PCDH15: variants seen among roughly 807,000 people sequenced by gnomAD.
PCDH15 encodes protocadherin-15.
In PCDH15, 129 loss-of-function variants were observed where a neutral mutation model predicts 178.5. That is an observed-to-expected ratio of 0.72 (90% CI 0.63 to 0.84). PCDH15 has a LOEUF of 0.84. Ranked by LOEUF, PCDH15 falls within the 40% of genes least tolerant of loss-of-function variation. The pLI is 0.00. For synonymous variants in PCDH15, 800 were observed against 732.0 expected, an observed-to-expected ratio of 1.09 and a Z score of -1.50; for missense variants, 2,230 against 2,099.9, an observed-to-expected ratio of 1.06 and a Z score of -1.21.
At chr10:54,949,128 A>G (rs2131872206) in intron 2 of PCDH15, among the ~76,000 whole-genome samples, 1 of 151,996 alleles carries the variant, frequency 6.6e-6, no homozygotes, top group Middle Eastern at 3.4e-3. Flanking sequence ...AAATGCATAA[A>G]TTTTCCCCTA....
At chr10:55,159,458 A>ATC (rs531168783) in intron 2 of PCDH15, among the ~76,000 whole-genome samples, 3 of 147,556 alleles carry the variant, frequency 2.0e-5, no homozygotes, top group Non-Finnish European at 4.5e-5. Context: ...CTATACAAAG[A>ATC]TCTCTCTCTC....
chr10:55,156,474 T>C (rs1351271865), intron 2 of PCDH15, among the ~76,000 whole-genome samples: 1 of 152,106 alleles, frequency 6.6e-6, no homozygotes, highest in East Asian at 1.9e-4. Context: ...CATGTGGCAG[T>C]TTTATGTGTT....
chr10:55,358,683 G>T (rs911377566), intron 2 of PCDH15, among the ~76,000 whole-genome samples: 15 of 151,846 alleles, frequency 9.9e-5, no homozygotes, highest in African/African-American at 1.9e-4. Context: ...ATGGAATTTT[G>T]GTTTAAAGAA....
chr10:55,375,457 C>A (rs560726322), intron 2 of PCDH15, among the ~76,000 whole-genome samples: 2 of 152,048 alleles, frequency 1.3e-5, no homozygotes, highest in South Asian at 4.2e-4. Flanking sequence ...ATTTTAAAGT[C>A]CTCATTAAAT....
intron 8 of PCDH15, among the ~76,000 whole-genome samples, chr10:54,243,253 T>C (rs926740960): frequency 3.9e-5 from 6 of 152,228 alleles, no homozygotes; most frequent in African/African-American, 1.4e-4. Context: ...GTCACGCCTG[T>C]AATCCCAGCA....
chr10:54,557,331 A>G (rs1255586409), intron 2 of PCDH15, among the ~76,000 whole-genome samples: 1 of 152,184 alleles, frequency 6.6e-6, no homozygotes, highest in East Asian at 1.9e-4. Flanking sequence ...AACAAATTAT[A>G]CCAAAAAATT....
intron 3 of PCDH15, among the ~76,000 whole-genome samples, chr10:54,515,021 G>T (rs958322844): frequency 3.3e-5 from 5 of 152,216 alleles, no homozygotes. Context: ...AGTAGGAATA[G>T]CTCTGGTTTA....
chr10:54,082,124 G>T (rs2094445123), intron 16 of PCDH15, among the ~76,000 whole-genome samples: 1 of 152,144 alleles, frequency 6.6e-6, no homozygotes, highest in Non-Finnish European at 1.5e-5. Context: ...TTTCTGGAGG[G>T]AGCGAGCTAT....
chr10:55,342,372 C>A (rs1322836319), intron 2 of PCDH15, among the ~76,000 whole-genome samples: 1 of 151,840 alleles, frequency 6.6e-6, no homozygotes, highest in Non-Finnish European at 1.5e-5. Context: ...TCTGTCTTTT[C>A]TAATATTCTA....
chr10:54,020,997 G>A (rs571515459), intron 19 of PCDH15, among the ~76,000 whole-genome samples: 2 of 152,128 alleles, frequency 1.3e-5, no homozygotes, highest in East Asian at 1.9e-4. Context: ...TAGGATTTGA[G>A]TAGTAGTTAC....
intron 2 of PCDH15, among the ~76,000 whole-genome samples, chr10:55,550,199 T>A (rs190206829): frequency 4.3e-4 from 65 of 152,322 alleles, no homozygotes; most frequent in African/African-American, 1.5e-3. Context: ...TCTTATCTAT[T>A]GTATTCTTCT....
At chr10:55,536,570 G>T (rs1841582062) in intron 2 of PCDH15, among the ~76,000 whole-genome samples, 1 of 152,092 alleles carries the variant, frequency 6.6e-6, no homozygotes, top group South Asian at 2.1e-4. Context: ...GCTCACAGAA[G>T]ACATACGCAT....
chr10:55,317,469 C>T (rs975279886), intron 1 of PCDH15, among the ~76,000 whole-genome samples: 1 of 145,918 alleles, frequency 6.9e-6, no homozygotes, highest in Admixed American at 6.7e-5. Context: ...GCAAGAGAGG[C>T]TTAATAGTGT....
intron 3 of PCDH15, among the ~76,000 whole-genome samples, chr10:54,416,078 C>T (rs1262936930): frequency 6.6e-6 from 1 of 152,052 alleles, no homozygotes; most frequent in Non-Finnish European, 1.5e-5. Flanking sequence ...ATTCTCCCAC[C>T]TCAGCCTCCA....
chr10:54,191,125 G>A (rs10825266), intron 11 of PCDH15, among the ~76,000 whole-genome samples: 28,065 of 152,084 alleles, frequency 0.18, 3,995 homozygotes, highest in East Asian at 0.84. Flanking sequence ...GAATTTATGA[G>A]TTTATTGAAG....
At chr10:55,062,497 T>C (rs193009254) in intron 2 of PCDH15, among the ~76,000 whole-genome samples, 8 of 152,300 alleles carry the variant, frequency 5.3e-5, no homozygotes, top group African/African-American at 1.9e-4. Context: ...AAATGTTACA[T>C]GCTGTATGAT....
intron 3 of PCDH15, among the ~76,000 whole-genome samples, chr10:54,855,772 A>G (rs373567068): frequency 6.6e-6 from 1 of 152,178 alleles, no homozygotes; most frequent in East Asian, 1.9e-4. Context: ...ATTTTTAACC[A>G]AGGCTTCCTG....
In PCDH15 at chr10:54,395,392, G is replaced by C. The variant is rs183461926; in HGVS notation, c.158-16450C>G. 3.0e-3 allele frequency among the ~76,000 whole-genome samples: 456 copies of C among 150,708 alleles called. 1 individual carries two copies. The highest frequency in any genetic ancestry group is 5.0e-3 in the Non-Finnish European group (340 of 67,756). ...AAAAAAAAAAGATGCTTTCAACTTA[G>C]TGACTATTATTCCTGTCTATCTCTA... On this transcript the variant is annotated intron_variant, in intron 3 of 37. Coordinates refer to ENST00000644397, the MANE Select transcript of PCDH15 (RefSeq NM_001384140.1).
At chr10:54,508,360 A>G (rs2081348119) in intron 3 of PCDH15, among the ~76,000 whole-genome samples, 1 of 152,030 alleles carries the variant, frequency 6.6e-6, no homozygotes. Context: ...AAAACAAGAA[A>G]AAAACTGGGC....
Sources: gnomAD v4.1 joint callset for allele counts (sites outside exome capture counted in the v4.1 genomes callset) on GRCh38, gnomAD v4.1.1 for gene constraint, MANE v1.5 for transcripts, NCBI Gene and HGNC (gene_info 2026-07-23, HGNC 2026-07-21) for gene names.